Variants in ZIM2 observed in about 807,000 individuals in gnomAD.
ZIM2 encodes zinc finger protein 656.
A neutral mutation model predicts 38.6 loss-of-function variants in ZIM2; 14 were observed. The observed-to-expected ratio is 0.36, with a 90% CI of 0.24 to 0.57. The LOEUF is 0.57. ZIM2 is among the 20% of genes least tolerant of loss of function. The pLI, the probability that ZIM2 is intolerant of heterozygous loss-of-function variation, is 0.81. For missense variants in ZIM2, 680 were observed against 695.1 expected (o/e 0.98, Z 0.24); for synonymous variants, 247 against 245.8 (o/e 1.00, Z -0.04).
At chr19:56,782,287 A>G in intron 10 of ZIM2, 166 bp from the exon 11 acceptor site, 1 of 914,614 alleles carries the variant, frequency 1.1e-6, no homozygotes, top group Non-Finnish European at 1.6e-6. Context: ...CATTACTGAA[A>G]CAGTTCCTAT....
chr19:56,839,479 G>A (rs1160317014), intron 1 of ZIM2, among the ~76,000 whole-genome samples: 1 of 151,370 alleles, frequency 6.6e-6, no homozygotes, highest in Non-Finnish European at 1.5e-5. Context: ...GCCTTGCCCC[G>A]CCCCATATGC....
Position 56,814,388 on chromosome 19 carries a change from C to T in ZIM2, c.490+3358G>A. On this transcript the variant is annotated intron_variant, in intron 9 of 12. Transcript: ENST00000629319. The surrounding 1 kb of genome is among the most constrained non-coding windows in gnomAD (Gnocchi z 5.8). The stretch of plus-strand genomic sequence containing the variant: ...TCTTCTTCTTCTTCCAGATGAAGCT[C>T]CTTATGTTTAGTGAGGACTGTGCTA... The T allele has an allele frequency of 6.2e-7, 1 of 1,613,766 alleles. No homozygotes were observed. The highest frequency in any genetic ancestry group is 8.5e-7 in the Non-Finnish European group (1 of 1,179,706).
At chr19:56,788,546 T>C (rs1455433611) in intron 10 of ZIM2, among the ~76,000 whole-genome samples, 1 of 152,164 alleles carries the variant, frequency 6.6e-6, no homozygotes, top group Non-Finnish European at 1.5e-5. Context: ...CCTTTGTGGG[T>C]AACCCGACCT....
At chr19:56,822,698 G>C in intron 6 of ZIM2, 55 bp downstream of exon 6, 1 of 1,601,948 alleles carries the variant, frequency 6.2e-7, no homozygotes, top group Non-Finnish European at 8.5e-7. Context: ...CCTTGAACCT[G>C]TGCACAGCAC....
intron 9 of ZIM2, among the ~76,000 whole-genome samples, chr19:56,807,803 G>T (rs943678753): frequency 6.8e-6 from 1 of 146,302 alleles, no homozygotes; most frequent in Non-Finnish European, 1.5e-5. Flanking sequence ...AAAAAAAAAA[G>T]AAAATTAAAA....
In ZIM2 at chr19:56,775,097, G is replaced by C; in HGVS notation, c.1268C>G (p.Pro423Arg). 6.2e-7 allele frequency: 1 copy of C among 1,614,114 alleles called. No homozygotes were observed. Among genetic ancestry groups the C allele is most frequent in the Non-Finnish European group, 8.5e-7 (1 of 1,180,016 alleles). Residue 423 changes from proline to arginine, a missense_variant, in exon 13 of 13, where the codon CCT becomes CGT. Physicochemically the swap from Pro to Arg is moderately radical, Grantham distance 103. Transcript: ENST00000629319. ...KTSGCNEGRK[P>R]SVQCANLCER... ...ACAGAGATTCGCACACTGGACGGAA[G>C]GCTTTCTACCTTCATTGCAGCCAGA...
Position 56,814,365 on chromosome 19 carries a change from T to C in ZIM2, c.490+3381A>G. 1.2e-6 allele frequency: 2 copies of C among 1,613,844 alleles called. No individual in the cohort carries two copies. The highest frequency in any genetic ancestry group is 1.7e-6 in the Non-Finnish European group (2 of 1,179,724). On this transcript the variant is annotated intron_variant, in intron 9 of 12. Coordinates refer to ENST00000629319, the MANE Select transcript of ZIM2 (RefSeq NM_001387356.1). The surrounding 1 kb of genome is among the most constrained non-coding windows in gnomAD (Gnocchi z 5.8). ...CTGCAGCTGCTGCTGCTTCATCTTC[T>C]TCTTCTTCTTCCAGATGAAGCTCCT... is the stretch of plus-strand genomic sequence containing the variant.
At chr19:56,812,018 C>A (rs1295370638) in intron 9 of ZIM2, 8 of 984,886 alleles carry the variant, frequency 8.1e-6, no homozygotes, top group Non-Finnish European at 9.6e-6. Flanking sequence ...AAGCCCTAAT[C>A]CTGCAGATCC....
At chr19:56,796,901 CTTTGT>C (rs777141521) in intron 9 of ZIM2, among the ~76,000 whole-genome samples, 5 of 152,200 alleles carry the variant, frequency 3.3e-5, no homozygotes, top group African/African-American at 9.6e-5. Context: ...AACACACCAT[CTTTGT>C]TTTAAGTTTT....
intron 9 of ZIM2, chr19:56,811,727 C>T (rs1256610738): frequency 1.7e-5 from 17 of 985,562 alleles, no homozygotes; most frequent in African/African-American, 3.5e-5. Context: ...TCCCGATGTC[C>T]GTTCCAACCT....
intron 2 of ZIM2, among the ~76,000 whole-genome samples, chr19:56,830,806 G>A (rs889457384): frequency 6.6e-6 from 1 of 152,110 alleles, no homozygotes; most frequent in Non-Finnish European, 1.5e-5. Flanking sequence ...GTGGTGGCAT[G>A]AGCCTGTAAT....
chr19:56,806,446 G>T (rs1175770801), intron 9 of ZIM2, among the ~76,000 whole-genome samples: 1 of 152,140 alleles, frequency 6.6e-6, no homozygotes, highest in Non-Finnish European at 1.5e-5. Context: ...TAGAAGGCTG[G>T]TTGTGACCTG....
chr19:56,781,435 GA>G (rs2046326888), intron 11 of ZIM2, among the ~76,000 whole-genome samples: 1 of 152,182 alleles, frequency 6.6e-6, no homozygotes. Context: ...CAAGCCAGTA[GA>G]AGTCTTTGGA....
Position 56,778,619 on chromosome 19 carries a change from TAGA to T in ZIM2, c.835+755_835+757del, listed in dbSNP as rs972956137. On this transcript the variant is annotated intron_variant, in intron 12 of 12. Transcript: ENST00000629319. Reference sequence around the variant, plus strand: ...TTTATTGTCAGAGTCGAAGGCAGAGTAGAAGGAGAAAATGAAACTAGGTCTTCG... The same window carrying T: ...TTTATTGTCAGAGTCGAAGGCAGAGTAGGAGAAAATGAAACTAGGTCTTCG... Among the ~76,000 whole-genome samples, 30 of 151,954 alleles carry T rather than the reference TAGA, an allele frequency of 2.0e-4. 1 individual carries two copies. Among genetic ancestry groups the T allele is most frequent in the Admixed American group, 1.8e-3 (28 of 15,274 alleles).
intron 2 of ZIM2, among the ~76,000 whole-genome samples, chr19:56,829,953 T>C (rs1050551490): frequency 2.0e-5 from 3 of 152,180 alleles, no homozygotes; most frequent in Admixed American, 6.5e-5. Context: ...TGTTTGCAGG[T>C]GCTGAGAGGA....
chr19:56,811,042 G>A, intron 9 of ZIM2: 1 of 980,940 alleles, frequency 1.0e-6, no homozygotes, highest in South Asian at 4.7e-5. Context: ...CCTGTGCACA[G>A]AAACAAGAAT....
At chr19:56,812,561 A>G (rs2059607745) in intron 9 of ZIM2, 1 of 985,828 alleles carries the variant, frequency 1.0e-6, no homozygotes, top group Non-Finnish European at 1.2e-6. Flanking sequence ...GCATAAGCTG[A>G]TGCTGCACAG....
intron 2 of ZIM2, chr19:56,833,527 C>CATCCAA (rs1443040259): frequency 1.6e-5 from 4 of 255,388 alleles, no homozygotes; most frequent in African/African-American, 8.9e-5. Flanking sequence ...AGTGTCCCTT[C>CATCCAA]ATCCAAATTC....
chr19:56,800,502 ACT>A (rs2047465432), intron 9 of ZIM2, among the ~76,000 whole-genome samples: 1 of 152,150 alleles, frequency 6.6e-6, no homozygotes, highest in South Asian at 2.1e-4. Flanking sequence ...ATAATATATA[ACT>A]CTGTAAGTTG....
Sources: allele counts gnomAD v4.1 joint callset (sites outside exome capture counted in the v4.1 genomes callset), GRCh38; gene constraint gnomAD v4.1.1; non-coding constraint Gnocchi (gnomAD v3.1); transcripts MANE v1.5; gene names NCBI Gene and HGNC (gene_info 2026-07-23, HGNC 2026-07-21).